The following DCAF1 variants were observed in gnomAD, a reference collection of about 807,000 sequenced individuals.
DCAF1 encodes the protein DDB1- and CUL4-associated factor 1.
Under a neutral mutation model 128.0 loss-of-function variants are expected in DCAF1, and 15 were observed. That is an observed-to-expected ratio of 0.12 (90% CI 0.08 to 0.18). The LOEUF is 0.18. DCAF1 is among the 10% of genes least tolerant of loss of function. DCAF1 has a pLI of 1.00. For synonymous variants in DCAF1, 610 were observed against 603.0 expected (o/e 1.01, Z -0.17); for missense variants, 988 against 1,649.5 (o/e 0.60, Z 6.95).
At chr3:51,398,858 TA>T in intron 24 of DCAF1, 31 bp from the exon 25 acceptor site, 1 of 1,567,282 alleles carries the variant, frequency 6.4e-7, no homozygotes. Context: ...GAGACAAGAT[TA>T]CACACTAGGC....
intron 1 of DCAF1, among the ~76,000 whole-genome samples, chr3:51,497,055 G>A (rs782329663): frequency 1.3e-5 from 2 of 152,126 alleles, no homozygotes; most frequent in Non-Finnish European, 2.9e-5. Context: ...AGCACTTTGG[G>A]AGACTGAAGT....
the DCAF1 span, among the ~76,000 whole-genome samples, chr3:51,505,442 A>G: frequency 6.6e-6 from 1 of 152,226 alleles, no homozygotes; most frequent in Non-Finnish European, 1.5e-5. Context: ...TGCCAGATAC[A>G]GCCTGGGGTA....
chr3:51,478,365 T>C (rs1207788978), intron 3 of DCAF1, among the ~76,000 whole-genome samples: 3 of 152,172 alleles, frequency 2.0e-5, no homozygotes, highest in Non-Finnish European at 2.9e-5. Flanking sequence ...CCCTCTATTT[T>C]AGGCTTTGCA....
At chr3:51,415,737 A>G (rs890085655) in intron 18 of DCAF1, among the ~76,000 whole-genome samples, 1 of 152,168 alleles carries the variant, frequency 6.6e-6, no homozygotes, top group South Asian at 2.1e-4. Flanking sequence ...ATAGGTCCCA[A>G]GCCCACCAAG....
chr3:51,396,184 C>G (rs1415845915), downstream of DCAF1: 1 of 370,944 alleles, frequency 2.7e-6, no homozygotes, highest in African/African-American at 2.1e-5. Context: ...AATCATCTAC[C>G]TCCCAGCTTT....
rs1553648203 is a variant in DCAF1, at chr3:51,470,980, T to C, written c.136A>G (p.Thr46Ala). ...GGATCCCCTTTACGATACTCTTCAG[T>C]TTCTTTTTCAATCAATTGAGACATC... Reference protein sequence around the residue: ...TRMSQLIEKETEEYRKGDPDP... With the variant: ...TRMSQLIEKEAEEYRKGDPDP... Residue 46 changes from threonine (T) to alanine (A), a missense_variant, in exon 4 of 25, where the codon ACT (threonine) becomes GCT (alanine). Physicochemically the swap from Thr to Ala is moderately conservative, Grantham distance 58. Transcript: ENST00000684031. 5 of 1,607,008 alleles carry C rather than the reference T, an allele frequency of 3.1e-6. No homozygotes were observed. Among genetic ancestry groups the C allele is most frequent in the Non-Finnish European group, 4.3e-6 (5 of 1,175,448 alleles).
intron 3 of DCAF1, among the ~76,000 whole-genome samples, chr3:51,476,097 G>C (rs1705414507): frequency 6.6e-6 from 1 of 151,932 alleles, no homozygotes; most frequent in Admixed American, 6.6e-5. Context: ...CATTTTCCAA[G>C]AGTAATTGGC....
intron 12 of DCAF1, among the ~76,000 whole-genome samples, chr3:51,428,113 CAA>C (rs782720856): frequency 2.6e-5 from 4 of 152,056 alleles, no homozygotes; most frequent in Non-Finnish European, 5.9e-5. Flanking sequence ...AAAAAGATAA[CAA>C]AAGTTTCCTT....
At chr3:51,424,016 G>A (rs888633609) in intron 13 of DCAF1, among the ~76,000 whole-genome samples, 2 of 151,854 alleles carry the variant, frequency 1.3e-5, no homozygotes, top group Middle Eastern at 3.2e-3. Flanking sequence ...GAGGGAAAGG[G>A]TTCAAAATAC....
chr3:51,460,149 T>C (rs1703383787), intron 6 of DCAF1, among the ~76,000 whole-genome samples: 1 of 152,182 alleles, frequency 6.6e-6, no homozygotes, highest in Non-Finnish European at 1.5e-5. Context: ...ATTGTATATC[T>C]AGAAAACCCC....
At chr3:51,397,687 CTG>C (rs781988826), downstream of DCAF1, 1 of 166,270 alleles carries the variant, frequency 6.0e-6, no homozygotes, top group Non-Finnish European at 1.5e-5. Context: ...GGGGCAGACA[CTG>C]TGAGTATAAG....
At position 51,420,327 on chromosome 3, in the gene DCAF1, G is replaced by C. The variant is rs1699285106; in HGVS notation, c.2643C>G (p.Ala881=). ...CTGGGGTAAAGGCAGAAGAATGGGA[G>C]GCAGCAGTCATGGGCAGGTCAGCCT... ...TKEADLPMTA[A]SHSSAFTPVT... Residue 881 remains alanine (A), a synonymous_variant, in exon 15 of 25, where the codon GCC becomes GCG. Transcript: ENST00000684031. This position sits in a 1 kb window ranked among gnomAD's most constrained non-coding sequence, Gnocchi z 6.5. The C allele has an allele frequency of 6.2e-7, 1 of 1,613,914 alleles. No individual in the cohort carries two copies. Among genetic ancestry groups the C allele is most frequent in the South Asian group, 1.1e-5 (1 of 91,094 alleles).
At chr3:51,460,538 T>G (rs1338898849) in intron 6 of DCAF1, among the ~76,000 whole-genome samples, 1 of 152,104 alleles carries the variant, frequency 6.6e-6, no homozygotes, top group Non-Finnish European at 1.5e-5. Flanking sequence ...AATGACTTTC[T>G]TCACAGAATT....
At chr3:51,459,126 G>GTT (rs1215864939) in intron 6 of DCAF1, among the ~76,000 whole-genome samples, 1 of 152,212 alleles carries the variant, frequency 6.6e-6, no homozygotes, top group South Asian at 2.1e-4. Context: ...CCAGGAGCTG[G>GTT]TTTTTTGAAA....
At chr3:51,436,085 C>T (rs560867599) in intron 9 of DCAF1, among the ~76,000 whole-genome samples, 1 of 152,296 alleles carries the variant, frequency 6.6e-6, no homozygotes, top group East Asian at 1.9e-4. Flanking sequence ...TGCTTCAAGA[C>T]GTTGATAAAG....
intron 2 of DCAF1, among the ~76,000 whole-genome samples, chr3:51,487,466 A>G (rs1229501369): frequency 6.6e-6 from 1 of 152,006 alleles, no homozygotes; most frequent in Non-Finnish European, 1.5e-5. Flanking sequence ...AGATTTCACC[A>G]TTTTTCAAAT....
chr3:51,443,217 C>T (rs782017515), intron 7 of DCAF1, among the ~76,000 whole-genome samples: 21 of 152,042 alleles, frequency 1.4e-4, no homozygotes, highest in Non-Finnish European at 2.8e-4. Context: ...ATTTTCATAA[C>T]ACAAATGGTA....
At chr3:51,435,743 T>C (rs1553636539) in intron 9 of DCAF1, among the ~76,000 whole-genome samples, 3 of 151,880 alleles carry the variant, frequency 2.0e-5, no homozygotes, top group Admixed American at 6.6e-5. Context: ...GGTTTATATG[T>C]CTGTCTTTCT....
intron 13 of DCAF1, among the ~76,000 whole-genome samples, chr3:51,426,950 A>AT (rs1699959413): frequency 6.6e-6 from 1 of 152,238 alleles, no homozygotes; most frequent in Non-Finnish European, 1.5e-5. Context: ...AAATCCTAAC[A>AT]GTATGTCGAA....
Sources: gnomAD v4.1 joint callset for allele counts (sites outside exome capture counted in the v4.1 genomes callset) on GRCh38, gnomAD v4.1.1 for gene constraint, Gnocchi (gnomAD v3.1) non-coding constraint, MANE v1.5 for transcripts, NCBI Gene and HGNC (gene_info 2026-07-23, HGNC 2026-07-21) for gene names.